The following CNTNAP4 variants were observed in gnomAD, a reference collection of about 807,000 sequenced individuals.
CNTNAP4 encodes contactin-associated protein-like 4.
In CNTNAP4, 98 loss-of-function variants were observed where a neutral mutation model predicts 148.4. That is an observed-to-expected ratio of 0.66 (90% CI 0.56 to 0.78). The LOEUF (loss-of-function observed/expected upper bound fraction) is 0.78, where lower values mean the gene tolerates loss of function less well. Among genes scored for constraint, CNTNAP4 ranks in the 30% least tolerant of loss-of-function variants. The probability of loss-of-function intolerance (pLI) is 0.00; values close to 1 mark genes in which losing one functional copy is unlikely to be tolerated. For synonymous variants in CNTNAP4, 730 were observed against 565.1 expected (o/e 1.29, Z -4.14); for missense variants, 1,935 against 1,565.6 (o/e 1.24, Z -3.98).
At chr16:76,504,559 A>G (rs190904323) in intron 15 of CNTNAP4, among the ~76,000 whole-genome samples, 3 of 152,288 alleles carry the variant, frequency 2.0e-5, no homozygotes, top group Admixed American at 1.3e-4. Flanking sequence ...TGGGTTGGGC[A>G]TAGATTTCTT....
intron 5 of CNTNAP4, 114 bp downstream of exon 5, chr16:76,448,329 AG>A: frequency 1.4e-6 from 1 of 718,852 alleles, no homozygotes; most frequent in Non-Finnish European, 2.3e-6. Context: ...TTCAGATTCA[AG>A]GGCTTGTACA....
chr16:76,285,980 A>G (rs1958864683), intron 1 of CNTNAP4, among the ~76,000 whole-genome samples: 1 of 152,056 alleles, frequency 6.6e-6, no homozygotes, highest in Non-Finnish European at 1.5e-5. Context: ...GAGAAAGTCA[A>G]ATTTCTAGGC....
chr16:76,373,897 CAA>C (rs71382634), intron 3 of CNTNAP4, among the ~76,000 whole-genome samples: 33 of 112,050 alleles, frequency 2.9e-4, no homozygotes, highest in Middle Eastern at 4.8e-3. Flanking sequence ...CTCCATCTCA[CAA>C]AAAAAAAAAA....
At chr16:76,406,690 A>G (rs2078609893) in intron 3 of CNTNAP4, among the ~76,000 whole-genome samples, 1 of 152,200 alleles carries the variant, frequency 6.6e-6, no homozygotes, top group Admixed American at 6.5e-5. Context: ...TGGTCTGGAT[A>G]GAAGATCAAA....
At chr16:76,514,579 G>A (rs954826852) in intron 15 of CNTNAP4, among the ~76,000 whole-genome samples, 3 of 152,128 alleles carry the variant, frequency 2.0e-5, no homozygotes, top group Non-Finnish European at 4.4e-5. Flanking sequence ...GTGCATGTGT[G>A]GGGGTGGTTA....
At chr16:76,281,905 T>C (rs1325429059) in intron 1 of CNTNAP4, among the ~76,000 whole-genome samples, 3 of 151,970 alleles carry the variant, frequency 2.0e-5, no homozygotes, top group African/African-American at 7.2e-5. Flanking sequence ...CAAAAATTTC[T>C]ACTCAAATAT....
chr16:76,343,213 A>G (rs1195154296), intron 2 of CNTNAP4, among the ~76,000 whole-genome samples: 3 of 152,008 alleles, frequency 2.0e-5, no homozygotes, highest in African/African-American at 7.2e-5. Context: ...ATACACTGGG[A>G]ACCATGAACT....
At chr16:76,528,782 T>A (rs1280448143) in intron 17 of CNTNAP4, among the ~76,000 whole-genome samples, 2 of 152,166 alleles carry the variant, frequency 1.3e-5, no homozygotes, top group Non-Finnish European at 2.9e-5. Flanking sequence ...TTAAAAAATG[T>A]GATCCAGTTG....
At chr16:76,421,376 G>T (rs2079183006) in intron 3 of CNTNAP4, among the ~76,000 whole-genome samples, 1 of 151,896 alleles carries the variant, frequency 6.6e-6, no homozygotes, top group Non-Finnish European at 1.5e-5. Flanking sequence ...TTGATTAGTG[G>T]ATTCTCATTG....
At chr16:76,539,689 T>C (rs760273368) in intron 19 of CNTNAP4, 30 bp from the exon 20 acceptor site, 1 of 1,551,592 alleles carries the variant, frequency 6.4e-7, no homozygotes, top group Admixed American at 2.2e-5. Context: ...CGATTTTTAC[T>C]AAAAGAATCA....
At chr16:76,411,770 C>T (rs911166045) in intron 3 of CNTNAP4, among the ~76,000 whole-genome samples, 2 of 151,298 alleles carry the variant, frequency 1.3e-5, no homozygotes, top group African/African-American at 4.8e-5. Flanking sequence ...GGACCTATTT[C>T]TTTTTCATAG....
intron 21 of CNTNAP4, among the ~76,000 whole-genome samples, chr16:76,548,542 C>A (rs922809740): frequency 1.3e-5 from 2 of 151,816 alleles, no homozygotes; most frequent in Non-Finnish European, 2.9e-5. Flanking sequence ...TCACCAAATT[C>A]TAATTTCTCG....
At chr16:76,557,737 A>AAAATGG (rs2085253791) in intron 23 of CNTNAP4, 1 of 152,174 alleles carries the variant, frequency 6.6e-6, no homozygotes, top group Non-Finnish European at 1.5e-5. Flanking sequence ...GTTCCGTATT[A>AAAATGG]AAATGGAAAT....
At position 76,313,707 on chromosome 16, in the gene CNTNAP4, C is replaced by T. The variant is rs138754013; in HGVS notation, c.86-2706C>T. ...GACAATCTTGAAAAGTAAAATGCTA[C>T]CTCAGGTAAGCTCTTGGGAAAGGCA... On this transcript the variant is annotated intron_variant, in intron 1 of 23. Coordinates refer to ENST00000611870, the MANE Select transcript of CNTNAP4 (RefSeq NM_033401.5). Among the ~76,000 whole-genome samples the T allele has an allele frequency of 7.1e-3, 1,080 of 152,224 alleles. 9 individuals carry two copies. Among genetic ancestry groups the T allele is most frequent in the African/African-American group, 0.025 (1,048 of 41,540 alleles).
intron 3 of CNTNAP4, among the ~76,000 whole-genome samples, chr16:76,407,362 T>C (rs532400091): frequency 2.3e-3 from 346 of 152,160 alleles, no homozygotes; most frequent in Non-Finnish European, 4.0e-3. Context: ...ATAGCTCTTA[T>C]TGATACTGAT....
At chr16:76,432,482 G>C (rs1271058814) in intron 4 of CNTNAP4, 1 of 152,138 alleles carries the variant, frequency 6.6e-6, no homozygotes, top group African/African-American at 2.4e-5. Flanking sequence ...CTTGGCCATA[G>C]CAGCAGTGAT....
intron 1 of CNTNAP4, among the ~76,000 whole-genome samples, chr16:76,302,099 T>C (rs1009671982): frequency 6.6e-6 from 1 of 152,070 alleles, no homozygotes; most frequent in African/African-American, 2.4e-5. Context: ...GACTTAGGAA[T>C]GATATCCACC....
intron 1 of CNTNAP4, among the ~76,000 whole-genome samples, chr16:76,314,231 G>A (rs1961458078): frequency 6.6e-6 from 1 of 152,172 alleles, no homozygotes; most frequent in Non-Finnish European, 1.5e-5. Flanking sequence ...CTTTGACTAT[G>A]CCACTATTAC....
At chr16:76,436,189 C>G (rs1313068041) in intron 4 of CNTNAP4, among the ~76,000 whole-genome samples, 2 of 152,022 alleles carry the variant, frequency 1.3e-5, no homozygotes, top group African/African-American at 4.8e-5. Flanking sequence ...GGGTTTATCT[C>G]CTCAGACAAA....
Sources: gnomAD v4.1 joint callset for allele counts (sites outside exome capture counted in the v4.1 genomes callset) on GRCh38, gnomAD v4.1.1 for gene constraint, MANE v1.5 for transcripts, NCBI Gene and HGNC (gene_info 2026-07-23, HGNC 2026-07-21) for gene names.